Variants in HTR1E observed in about 807,000 individuals in gnomAD.
HTR1E encodes 5-HT-1E.
In HTR1E, 3 loss-of-function variants were observed where a neutral mutation model predicts 3.4. The ratio of observed to expected loss-of-function variants is 0.89; its 90% CI spans 0.41 to 2.31. The LOEUF (loss-of-function observed/expected upper bound fraction) is 2.31. Among genes scored for constraint, HTR1E ranks in the 30% most tolerant of loss-of-function variants. The pLI, the probability that HTR1E is intolerant of heterozygous loss-of-function variation, is 0.05. For missense variants in HTR1E, 392 were observed against 467.0 expected, an observed-to-expected ratio of 0.84 and a Z score of 1.48; for synonymous variants, 170 against 182.8, an observed-to-expected ratio of 0.93 and a Z score of 0.56.
At chr6:86,978,829 T>C (rs1767674234) in intron 1 of HTR1E, among the ~76,000 whole-genome samples, 1 of 152,240 alleles carries the variant, frequency 6.6e-6, no homozygotes, top group Non-Finnish European at 1.5e-5. Context: ...TCTGCTCAGA[T>C]AATTTTAAAG....
At chr6:86,964,016 C>G (rs957775746) in intron 1 of HTR1E, among the ~76,000 whole-genome samples, 2 of 152,176 alleles carry the variant, frequency 1.3e-5, no homozygotes, top group African/African-American at 4.8e-5. Context: ...AAAAATTACT[C>G]TACAGTTCAG....
intron 1 of HTR1E, among the ~76,000 whole-genome samples, chr6:86,981,631 T>A (rs16878120): frequency 0.16 from 23,755 of 152,180 alleles, 2,422 homozygotes; most frequent in African/African-American, 0.28. Flanking sequence ...CCATGCCAGC[T>A]GTCACATGGG....
Position 87,000,589 on chromosome 6 carries a change from G to A in HTR1E, c.-185-14561G>A, listed in dbSNP as rs539465569. On this transcript the variant is annotated intron_variant, in intron 1 of 1. Transcript: ENST00000305344. ...AAACCTTAGAGGCCAGGAGAGAGTG[G>A]CATGACATATGTAAAATGCTGAAAG... 1.4e-4 allele frequency among the ~76,000 whole-genome samples: 22 copies of A among 152,260 alleles called. No homozygotes were observed. In the South Asian group the frequency reaches 3.7e-3, roughly 26 times the overall value.
At chr6:86,972,280 C>T (rs1183147743) in intron 1 of HTR1E, among the ~76,000 whole-genome samples, 1 of 152,020 alleles carries the variant, frequency 6.6e-6, no homozygotes, top group East Asian at 1.9e-4. Context: ...ATTCTTTATG[C>T]ATTTTTTCAT....
chr6:86,970,865 C>G (rs1767542527), intron 1 of HTR1E: 1 of 270,778 alleles, frequency 3.7e-6, no homozygotes, highest in African/African-American at 2.3e-5. Context: ...GCTTGTAGAG[C>G]CACATATTGC....
intron 1 of HTR1E, among the ~76,000 whole-genome samples, chr6:86,977,845 T>G (rs1453657512): frequency 6.6e-6 from 1 of 152,226 alleles, no homozygotes; most frequent in Admixed American, 6.5e-5. Context: ...GTTTGTTGGC[T>G]GCTTGTATCA....
chr6:86,971,059 A>G (rs1331171898), intron 1 of HTR1E: 1 of 511,072 alleles, frequency 2.0e-6, no homozygotes, highest in Non-Finnish European at 3.9e-6. Context: ...CAAAGAAGCA[A>G]ATAACTTCCT....
At chr6:86,938,573 G>A (rs1265471737) in intron 1 of HTR1E, among the ~76,000 whole-genome samples, 1 of 152,182 alleles carries the variant, frequency 6.6e-6, no homozygotes, top group Non-Finnish European at 1.5e-5. Context: ...TTCTGCCTGT[G>A]CCCAGTTTTG....
intron 1 of HTR1E, among the ~76,000 whole-genome samples, chr6:86,964,752 T>C (rs1008658782): frequency 6.6e-5 from 10 of 152,228 alleles, no homozygotes; most frequent in South Asian, 6.2e-4. Context: ...GAAAGAGTAA[T>C]TACAAATTGC....
intron 1 of HTR1E, among the ~76,000 whole-genome samples, chr6:87,013,192 C>G (rs1423695747): frequency 6.6e-6 from 1 of 152,098 alleles, no homozygotes; most frequent in Admixed American, 6.5e-5. Flanking sequence ...AATAATATGC[C>G]AAAGTCGGCC....
chr6:86,993,084 C>T lies in HTR1E; in HGVS notation c.-185-22066C>T, dbSNP rs140860298. ...ACATTAAAGGTTTTTTTGTGCAAGACCTGGAAGTAGCACATACCACTTATG... is the reference window on the plus strand; with the variant it reads ...ACATTAAAGGTTTTTTTGTGCAAGATCTGGAAGTAGCACATACCACTTATG... On this transcript the variant is annotated intron_variant, in intron 1 of 1. Coordinates refer to ENST00000305344, the MANE Select transcript of HTR1E (RefSeq NM_000865.3). Among the ~76,000 whole-genome samples the T allele has an allele frequency of 9.2e-5, 14 of 152,052 alleles. No homozygotes were observed. In the East Asian group the frequency reaches 1.4e-3, roughly 15 times the overall value.
chr6:86,941,573 A>C (rs887686083), intron 1 of HTR1E, among the ~76,000 whole-genome samples: 1 of 152,200 alleles, frequency 6.6e-6, no homozygotes, highest in Non-Finnish European at 1.5e-5. Flanking sequence ...AGGAAGACAA[A>C]ATCCTTTAGA....
intron 1 of HTR1E, among the ~76,000 whole-genome samples, chr6:86,964,188 C>T (rs1305835389): frequency 6.6e-6 from 1 of 152,126 alleles, no homozygotes; most frequent in Non-Finnish European, 1.5e-5. Context: ...GAAGAAAGCT[C>T]ATATAGCCAT....
intron 1 of HTR1E, among the ~76,000 whole-genome samples, chr6:86,958,294 G>A (rs1347824703): frequency 3.3e-5 from 5 of 152,016 alleles, no homozygotes; most frequent in Admixed American, 1.3e-4. Flanking sequence ...TCCTGACCTC[G>A]TGATCTGCCC....
At chr6:86,995,744 T>G (rs1767932722) in intron 1 of HTR1E, among the ~76,000 whole-genome samples, 1 of 129,488 alleles carries the variant, frequency 7.7e-6, no homozygotes, top group Admixed American at 7.5e-5. Flanking sequence ...CAAAAAACTC[T>G]AAATGTAACT....
intron 1 of HTR1E, among the ~76,000 whole-genome samples, chr6:86,946,946 G>C (rs1768625116): frequency 6.6e-6 from 1 of 152,060 alleles, no homozygotes; most frequent in South Asian, 2.1e-4. Flanking sequence ...AAGAAACCCT[G>C]TCTCTACTAA....
At chr6:86,993,706 C>T (rs1767900272) in intron 1 of HTR1E, among the ~76,000 whole-genome samples, 1 of 151,958 alleles carries the variant, frequency 6.6e-6, no homozygotes, top group African/African-American at 2.4e-5. Flanking sequence ...ACTGCTACAA[C>T]AGAAGATTCA....
intron 1 of HTR1E, among the ~76,000 whole-genome samples, chr6:86,985,407 T>G (rs1283003158): frequency 6.6e-6 from 1 of 152,200 alleles, no homozygotes; most frequent in Admixed American, 6.5e-5. Context: ...TTTAATTATG[T>G]GTATAGGGAA....
chr6:87,006,825 A>C (rs375048513), intron 1 of HTR1E, among the ~76,000 whole-genome samples: 3 of 152,260 alleles, frequency 2.0e-5, no homozygotes, highest in African/African-American at 7.2e-5. Context: ...ACCCAGGAAC[A>C]GAAAACCAAA....
Sources: allele counts gnomAD v4.1 joint callset (sites outside exome capture counted in the v4.1 genomes callset), GRCh38; gene constraint gnomAD v4.1.1; transcripts MANE v1.5; gene names NCBI Gene and HGNC (gene_info 2026-07-23, HGNC 2026-07-21).